LIPA: variants seen among roughly 807,000 people sequenced by gnomAD.
The protein encoded by LIPA is lysosomal acid lipase/cholesteryl ester hydrolase.
Under a neutral mutation model 40.6 loss-of-function variants are expected in LIPA, and 26 were observed. That is an observed-to-expected ratio of 0.64 (90% CI 0.47 to 0.89). The LOEUF (loss-of-function observed/expected upper bound fraction) is 0.89, where lower values mean the gene tolerates loss of function less well. Among genes scored for constraint, LIPA ranks in the 40% least tolerant of loss-of-function variants. The pLI is 0.00. For missense variants in LIPA, 455 were observed against 479.6 expected, an observed-to-expected ratio of 0.95 and a Z score of 0.48; for synonymous variants, 188 against 168.4, an observed-to-expected ratio of 1.12 and a Z score of -0.90.
chr10:89,300,070 G>A (rs779204500), intron 1 of LIPA, among the ~76,000 whole-genome samples: 1 of 152,112 alleles, frequency 6.6e-6, no homozygotes, highest in Non-Finnish European at 1.5e-5. Flanking sequence ...TATACACAAT[G>A]GGATATTATT....
At chr10:89,298,882 C>T (rs1291750078) in intron 1 of LIPA, among the ~76,000 whole-genome samples, 1 of 151,786 alleles carries the variant, frequency 6.6e-6, no homozygotes, top group Non-Finnish European at 1.5e-5. Context: ...GCTCGAGAGG[C>T]TGAGGAAGGA....
At chr10:89,216,297 G>A (rs1026403867) in intron 8 of LIPA, among the ~76,000 whole-genome samples, 2 of 150,982 alleles carry the variant, frequency 1.3e-5, no homozygotes, top group African/African-American at 4.9e-5. Flanking sequence ...TCCTGCTAGC[G>A]GAACTTTATG....
At chr10:89,257,710 T>A (rs1657849249) in intron 1 of LIPA, among the ~76,000 whole-genome samples, 1 of 152,122 alleles carries the variant, frequency 6.6e-6, no homozygotes, top group African/African-American at 2.4e-5. Flanking sequence ...CAGCAGTTTA[T>A]CTAAATAGAG....
At chr10:89,225,265 A>G in intron 5 of LIPA, 37 bp from the exon 6 acceptor site, 1 of 1,613,478 alleles carries the variant, frequency 6.2e-7, no homozygotes, top group African/African-American at 1.3e-5. Context: ...GAATTCCATC[A>G]TCTGGGATTT....
intron 1 of LIPA, among the ~76,000 whole-genome samples, chr10:89,296,781 C>A (rs1589592451): frequency 6.6e-6 from 1 of 152,182 alleles, no homozygotes; most frequent in East Asian, 1.9e-4. Context: ...TGACCTCAAT[C>A]TTTGAGGTAC....
chr10:89,279,953 C>T (rs1364573761), intron 1 of LIPA, among the ~76,000 whole-genome samples: 1 of 152,114 alleles, frequency 6.6e-6, no homozygotes, highest in Non-Finnish European at 1.5e-5. Flanking sequence ...GACGGACATA[C>T]AGTGATATTC....
chr10:89,408,139 G>C (rs973840755), intron 2 of LIPA, among the ~76,000 whole-genome samples: 3 of 152,166 alleles, frequency 2.0e-5, no homozygotes, highest in African/African-American at 7.2e-5. Flanking sequence ...GCTCACCCTT[G>C]AAATGCATCC....
chr10:89,313,480 G>T (rs1306311163), intron 1 of LIPA, among the ~76,000 whole-genome samples: 16 of 152,094 alleles, frequency 1.1e-4, no homozygotes, highest in Admixed American at 1.0e-3. Context: ...AAAATAGTTG[G>T]ACAGTTCTTC....
At chr10:89,307,033 G>C (rs201873020) in intron 1 of LIPA, 1 of 1,613,902 alleles carries the variant, frequency 6.2e-7, no homozygotes, top group East Asian at 2.2e-5. Context: ...ACTTCCAAAA[G>C]GAATTCAGTA....
rs545424453 is a variant in LIPA, at chr10:89,324,465, G to T, written c.-2+18146C>A. Among the ~76,000 whole-genome samples, 3 of 152,230 alleles carry T rather than the reference G, an allele frequency of 2.0e-5. No individual in the cohort carries two copies. The East Asian group carries it at 5.8e-4, about 29-fold the overall frequency. On this transcript the variant is annotated intron_variant, in intron 1 of 5. Transcript: ENST00000282673. ...GATTCTCAACATAGAAACCAGCAAAGATTTCATGATGAAGACACCAAAAGC... is the reference window on the plus strand; with the variant it reads ...GATTCTCAACATAGAAACCAGCAAATATTTCATGATGAAGACACCAAAAGC...
intron 1 of LIPA, among the ~76,000 whole-genome samples, chr10:89,250,256 C>T (rs1395012241): frequency 6.6e-6 from 1 of 151,868 alleles, no homozygotes; most frequent in African/African-American, 2.4e-5. Flanking sequence ...CCCACCACCA[C>T]GCCTGGCTAA....
chr10:89,292,025 T>G (rs893175764), intron 1 of LIPA: 2 of 152,240 alleles, frequency 1.3e-5, no homozygotes, highest in African/African-American at 4.8e-5. Context: ...GGAAGAACTC[T>G]GTGTCCTTGA....
intron 2 of LIPA, among the ~76,000 whole-genome samples, chr10:89,401,729 T>C (rs982332783): frequency 1.3e-4 from 19 of 151,882 alleles, no homozygotes; most frequent in African/African-American, 4.4e-4. Flanking sequence ...ATACACTGGA[T>C]CTCTGTACTG....
intron 2 of LIPA, among the ~76,000 whole-genome samples, chr10:89,354,521 G>A (rs1007741545): frequency 1.3e-5 from 2 of 152,132 alleles, no homozygotes; most frequent in African/African-American, 2.4e-5. Flanking sequence ...GATGGAGTTC[G>A]TATTCAAGTC....
At chr10:89,388,578 A>G (rs186077427) in intron 2 of LIPA, among the ~76,000 whole-genome samples, 63 of 152,320 alleles carry the variant, frequency 4.1e-4, no homozygotes, top group Non-Finnish European at 7.1e-4. Context: ...AAGATTTTTT[A>G]TGTTAAGTAA....
At chr10:89,226,499 T>C (rs1279528251) in intron 5 of LIPA, among the ~76,000 whole-genome samples, 1 of 152,254 alleles carries the variant, frequency 6.6e-6, no homozygotes, top group East Asian at 1.9e-4. Flanking sequence ...TTAAAATGCA[T>C]ATAACTTTTC....
intron 1 of LIPA, among the ~76,000 whole-genome samples, chr10:89,265,454 A>T (rs1428784385): frequency 6.6e-6 from 1 of 152,254 alleles, no homozygotes. Flanking sequence ...CATCAGAATC[A>T]GTAAACATAT....
At chr10:89,352,540 T>C (rs11203088) in intron 2 of LIPA, among the ~76,000 whole-genome samples, 4,622 of 152,282 alleles carry the variant, frequency 0.03, 127 homozygotes, top group African/African-American at 0.071. Flanking sequence ...ACAAAGTGCC[T>C]GTGGCTTCTG....
chr10:89,280,331 A>G lies in LIPA; in HGVS notation c.-1-32682T>C, dbSNP rs193222085. Reference sequence around the variant, plus strand: ...AAAACAAAAGGAAGAATCTCCCTCCATAGTCAGGTAAAAAGTGAACGTGCT... The same window carrying G: ...AAAACAAAAGGAAGAATCTCCCTCCGTAGTCAGGTAAAAAGTGAACGTGCT... On this transcript the variant is annotated intron_variant, in intron 1 of 5. Coordinates refer to the LIPA transcript ENST00000282673. Among the ~76,000 whole-genome samples the G allele has an allele frequency of 2.8e-3, 421 of 152,348 alleles. 1 individual carries two copies. The highest frequency in any genetic ancestry group is 4.2e-3 in the Non-Finnish European group (285 of 68,032).
Sources: allele counts gnomAD v4.1 joint callset (sites outside exome capture counted in the v4.1 genomes callset), GRCh38; gene constraint gnomAD v4.1.1; transcripts MANE v1.5; gene names NCBI Gene and HGNC (gene_info 2026-07-23, HGNC 2026-07-21).